The following ADAMTS3 variants were observed in gnomAD, a reference collection of about 807,000 sequenced individuals.
ADAMTS3 encodes A disintegrin and metalloproteinase with thrombospondin motifs 3.
Under a neutral mutation model 129.0 loss-of-function variants are expected in ADAMTS3, and 73 were observed. The ratio of observed to expected loss-of-function variants is 0.57; its 90% CI spans 0.47 to 0.69. The LOEUF (loss-of-function observed/expected upper bound fraction) is 0.69. ADAMTS3 is among the 30% of genes least tolerant of loss of function. The pLI, the probability that ADAMTS3 is intolerant of heterozygous loss-of-function variation, is 0.00. For missense variants in ADAMTS3, 1,457 were observed against 1,514.5 expected (o/e 0.96, Z 0.63); for synonymous variants, 477 against 510.8 (o/e 0.93, Z 0.89).
intron 5 of ADAMTS3, among the ~76,000 whole-genome samples, chr4:72,327,338 T>C (rs1719724845): frequency 6.6e-6 from 1 of 152,132 alleles, no homozygotes; most frequent in African/African-American, 2.4e-5. Context: ...AAGAAAGTAA[T>C]TTTACAACTT....
intron 3 of ADAMTS3, among the ~76,000 whole-genome samples, chr4:72,520,278 G>A (rs909556278): frequency 2.5e-4 from 38 of 151,956 alleles, no homozygotes; most frequent in East Asian, 9.7e-4. Context: ...TAGGCTGCTC[G>A]GGGGTCAGGG....
intron 21 of ADAMTS3, among the ~76,000 whole-genome samples, chr4:72,287,219 C>T (rs1718528483): frequency 6.6e-6 from 1 of 151,934 alleles, no homozygotes; most frequent in South Asian, 2.1e-4. Context: ...TCTGCTGATG[C>T]CTTGATCATG....
intron 4 of ADAMTS3, among the ~76,000 whole-genome samples, chr4:72,402,268 C>G (rs1721943212): frequency 6.6e-6 from 1 of 152,128 alleles, no homozygotes; most frequent in Admixed American, 6.5e-5. Flanking sequence ...TAAAGTCACA[C>G]AACATATATT....
intron 3 of ADAMTS3, among the ~76,000 whole-genome samples, chr4:72,435,328 C>A (rs1266380855): frequency 1.3e-5 from 2 of 151,108 alleles, no homozygotes; most frequent in African/African-American, 4.9e-5. Context: ...TTTAGGGCTA[C>A]AAATAAATCT....
At chr4:72,531,710 A>G (rs1260403710) in intron 3 of ADAMTS3, among the ~76,000 whole-genome samples, 1 of 152,204 alleles carries the variant, frequency 6.6e-6, no homozygotes, top group African/African-American at 2.4e-5. Context: ...GAAACTCACA[A>G]GCATTTCTTA....
chr4:72,392,867 CTT>C (rs1721633272), intron 4 of ADAMTS3, among the ~76,000 whole-genome samples: 1 of 150,894 alleles, frequency 6.6e-6, no homozygotes, highest in Non-Finnish European at 1.5e-5. Context: ...TTGATGTACT[CTT>C]TGTCTTCAAA....
chr4:72,549,015 C>A, intron 2 of ADAMTS3, 131 bp from the exon 3 acceptor site: 1 of 699,968 alleles, frequency 1.4e-6, no homozygotes, highest in Non-Finnish European at 2.2e-6. Flanking sequence ...CCTGAATCAG[C>A]TCATAAATAT....
At chr4:72,536,093 T>G (rs527826676) in intron 3 of ADAMTS3, among the ~76,000 whole-genome samples, 4 of 152,214 alleles carry the variant, frequency 2.6e-5, no homozygotes, top group Non-Finnish European at 5.9e-5. Context: ...TGGTCAATTG[T>G]GTAAAACCTC....
intron 3 of ADAMTS3, among the ~76,000 whole-genome samples, chr4:72,528,885 G>T (rs1386231160): frequency 6.6e-6 from 1 of 152,010 alleles, no homozygotes; most frequent in Non-Finnish European, 1.5e-5. Context: ...CCCAAGGAAA[G>T]AGTTCTCCTC....
At chr4:72,483,322 G>T (rs16848032) in intron 3 of ADAMTS3, among the ~76,000 whole-genome samples, 6,101 of 152,082 alleles carry the variant, frequency 0.04, 146 homozygotes, top group Non-Finnish European at 0.048. Flanking sequence ...TTCCAAAATT[G>T]GTGAATTTCA....
chr4:72,358,976 AACAAAC>A (rs2109852742), intron 4 of ADAMTS3, among the ~76,000 whole-genome samples: 2 of 152,104 alleles, frequency 1.3e-5, no homozygotes, highest in Non-Finnish European at 2.9e-5. Context: ...TTCCAAAAGA[AACAAAC>A]ACAAAGACAG....
At chr4:72,396,030 G>C (rs1721716255) in intron 4 of ADAMTS3, among the ~76,000 whole-genome samples, 1 of 152,204 alleles carries the variant, frequency 6.6e-6, no homozygotes, top group African/African-American at 2.4e-5. Context: ...AGAGCTATCT[G>C]GATGTAAAAT....
intron 4 of ADAMTS3, among the ~76,000 whole-genome samples, chr4:72,348,619 A>T (rs1441957798): frequency 6.6e-6 from 1 of 152,046 alleles, no homozygotes; most frequent in Admixed American, 6.6e-5. Flanking sequence ...ATAAGATAGA[A>T]ACATTATCCA....
At chr4:72,322,898 T>C in intron 6 of ADAMTS3, 116 bp downstream of exon 6, 1 of 734,980 alleles carries the variant, frequency 1.4e-6, no homozygotes. Flanking sequence ...TTCAAGCAAC[T>C]AGGGGTTTAT....
chr4:72,555,327 A>G (rs1427077112), intron 2 of ADAMTS3, among the ~76,000 whole-genome samples: 3 of 151,794 alleles, frequency 2.0e-5, no homozygotes, highest in Non-Finnish European at 2.9e-5. Flanking sequence ...TAATGTGCTC[A>G]CAAGACCTGG....
chr4:72,448,215 T>C (rs1182881419), intron 3 of ADAMTS3, among the ~76,000 whole-genome samples: 1 of 151,744 alleles, frequency 6.6e-6, no homozygotes, highest in African/African-American at 2.4e-5. Flanking sequence ...TTTTCATCAA[T>C]TGGTGGATAC....
intron 3 of ADAMTS3, among the ~76,000 whole-genome samples, chr4:72,538,321 C>T (rs1340947360): frequency 1.3e-5 from 2 of 152,088 alleles, no homozygotes; most frequent in Non-Finnish European, 2.9e-5. Context: ...TTCAAAGAGA[C>T]TCATACCAAA....
intron 2 of ADAMTS3, among the ~76,000 whole-genome samples, chr4:72,554,128 G>A (rs2251061): frequency 0.96 from 146,711 of 152,142 alleles, 70,977 homozygotes; most frequent in East Asian, 1. Context: ...TGTACTATGT[G>A]AAATAACCAC....
intron 3 of ADAMTS3, among the ~76,000 whole-genome samples, chr4:72,486,947 G>A (rs1719606594): frequency 6.6e-6 from 1 of 152,080 alleles, no homozygotes; most frequent in African/African-American, 2.4e-5. Context: ...TTGTTCATTG[G>A]ATTTCATGAA....
Sources: gnomAD v4.1 joint callset for allele counts (sites outside exome capture counted in the v4.1 genomes callset) on GRCh38, gnomAD v4.1.1 for gene constraint, MANE v1.5 for transcripts, NCBI Gene and HGNC (gene_info 2026-07-23, HGNC 2026-07-21) for gene names.